The following ANO3 variants were observed in gnomAD, a reference collection of about 807,000 sequenced individuals.
ANO3 encodes the protein anoctamin-3.
A neutral mutation model predicts 144.8 loss-of-function variants in ANO3; 99 were observed. That is an observed-to-expected ratio of 0.68 (90% CI 0.58 to 0.81). The LOEUF (loss-of-function observed/expected upper bound fraction) is 0.81, where lower values mean the gene tolerates loss of function less well. ANO3 is among the 30% of genes least tolerant of loss of function. ANO3 has a pLI of 0.00. For missense variants in ANO3, 905 were observed against 1,202.2 expected (o/e 0.75, Z 3.66); for synonymous variants, 414 against 392.6 (o/e 1.05, Z -0.64).
chr11:26,254,293 C>G (rs1425489205), intron 1 of ANO3, among the ~76,000 whole-genome samples: 2 of 152,070 alleles, frequency 1.3e-5, no homozygotes, highest in Non-Finnish European at 2.9e-5. Flanking sequence ...TAATATGTTG[C>G]TGCACTTTCT....
At chr11:26,388,018 TA>T (rs1856779651) in intron 1 of ANO3, among the ~76,000 whole-genome samples, 1 of 137,676 alleles carries the variant, frequency 7.3e-6, no homozygotes, top group Admixed American at 6.9e-5. Flanking sequence ...TATTCTTCTT[TA>T]ATTTTTTTAT....
chr11:26,277,169 T>C (rs1288468886), intron 1 of ANO3, among the ~76,000 whole-genome samples: 1 of 152,140 alleles, frequency 6.6e-6, no homozygotes, highest in Non-Finnish European at 1.5e-5. Flanking sequence ...GTGATTTTTT[T>C]CTTAGTAACT....
At chr11:26,296,353 C>G (rs1020963940) in intron 1 of ANO3, among the ~76,000 whole-genome samples, 1 of 150,892 alleles carries the variant, frequency 6.6e-6, no homozygotes, top group African/African-American at 2.5e-5. Context: ...CCGGCTTATC[C>G]TGGCCCCAGA....
chr11:26,643,743 G>C (rs1410003970), intron 23 of ANO3, among the ~76,000 whole-genome samples: 1 of 151,750 alleles, frequency 6.6e-6, no homozygotes, highest in Non-Finnish European at 1.5e-5. Flanking sequence ...AAAAAGAAGT[G>C]ATTAAGCCAT....
intron 1 of ANO3, among the ~76,000 whole-genome samples, chr11:26,262,739 CAGAG>C (rs926800288): frequency 5.1e-4 from 76 of 148,728 alleles, no homozygotes; most frequent in Admixed American, 6.7e-4. Flanking sequence ...CACACACACA[CAGAG>C]AGAGAGAGAG....
At chr11:26,454,824 A>G (rs1007738342) in intron 3 of ANO3, among the ~76,000 whole-genome samples, 3 of 152,078 alleles carry the variant, frequency 2.0e-5, no homozygotes, top group Non-Finnish European at 2.9e-5. Context: ...AAAATCCTCA[A>G]TAAAGTACTG....
chr11:26,533,167 G>T (rs1849416715), intron 8 of ANO3, among the ~76,000 whole-genome samples: 1 of 152,068 alleles, frequency 6.6e-6, no homozygotes, highest in South Asian at 2.1e-4. Flanking sequence ...TATTAAGAAA[G>T]ACAGAAATAA....
intron 12 of ANO3, among the ~76,000 whole-genome samples, chr11:26,548,254 G>A (rs1849840572): frequency 6.6e-6 from 1 of 151,944 alleles, no homozygotes; most frequent in Non-Finnish European, 1.5e-5. Flanking sequence ...TTCTGTTAAA[G>A]TTGAAGTGAC....
chr11:26,596,371 T>G (rs916870877), intron 14 of ANO3, among the ~76,000 whole-genome samples: 1 of 152,198 alleles, frequency 6.6e-6, no homozygotes, highest in Non-Finnish European at 1.5e-5. Context: ...TGCCTCCCTT[T>G]AATTTACTCA....
chr11:26,575,613 C>T (rs144516204), intron 14 of ANO3, among the ~76,000 whole-genome samples: 120 of 152,024 alleles, frequency 7.9e-4, no homozygotes, highest in African/African-American at 2.6e-3. Flanking sequence ...ATAACCTTTA[C>T]GACTATTTAA....
At chr11:26,363,413 T>TA (rs1399690579) in intron 1 of ANO3, among the ~76,000 whole-genome samples, 1 of 152,042 alleles carries the variant, frequency 6.6e-6, no homozygotes, top group Non-Finnish European at 1.5e-5. Context: ...AGGTGTGGTT[T>TA]CTCTGGGGGC....
chr11:26,438,611 A>AAAAAAAG (rs1858388951), intron 1 of ANO3, among the ~76,000 whole-genome samples: 3 of 35,506 alleles, frequency 8.4e-5, no homozygotes, highest in Non-Finnish European at 1.2e-4. Context: ...AAAAAAAAGA[A>AAAAAAAG]AAAAAAAAAA....
chr11:26,598,767 G>C, intron 15 of ANO3, 91 bp from the exon 16 acceptor site: 1 of 1,335,696 alleles, frequency 7.5e-7, no homozygotes, highest in South Asian at 1.5e-5. Context: ...TACAAAAGTA[G>C]GCCAAATTTA....
At chr11:26,604,393 G>A (rs898124212) in intron 17 of ANO3, among the ~76,000 whole-genome samples, 27 of 151,994 alleles carry the variant, frequency 1.8e-4, no homozygotes, top group African/African-American at 1.7e-4. Context: ...TTGGCTATAC[G>A]GGCTCTTCTT....
chr11:26,329,178 T>C (rs1445804615), upstream of ANO3, among the ~76,000 whole-genome samples: 1 of 152,136 alleles, frequency 6.6e-6, no homozygotes, highest in East Asian at 1.9e-4. Context: ...ACAATGGAAA[T>C]GTCAGTCCAT....
At chr11:26,587,886 G>A (rs962543505) in intron 14 of ANO3, among the ~76,000 whole-genome samples, 1 of 150,132 alleles carries the variant, frequency 6.7e-6, no homozygotes, top group Non-Finnish European at 1.5e-5. Flanking sequence ...AACCCAAGAG[G>A]CAGAGGTTGC....
intron 1 of ANO3, among the ~76,000 whole-genome samples, chr11:26,230,905 T>G (rs561620674): frequency 2.2e-4 from 33 of 150,628 alleles, no homozygotes; most frequent in Admixed American, 2.2e-3. Flanking sequence ...TTTTTTTTCT[T>G]TTTTTTAGAT....
intron 4 of ANO3, among the ~76,000 whole-genome samples, chr11:26,488,249 A>G (rs778615452): frequency 1.3e-5 from 2 of 152,240 alleles, no homozygotes; most frequent in Non-Finnish European, 2.9e-5. Context: ...GCAGCCTGAC[A>G]ATGCAGTAGA....
intron 1 of ANO3, among the ~76,000 whole-genome samples, chr11:26,311,366 C>T (rs954995405): frequency 7.2e-5 from 11 of 152,148 alleles, no homozygotes; most frequent in African/African-American, 1.4e-4. Flanking sequence ...AAGGCCTGAC[C>T]GGGACTTGAA....
Sources: gnomAD v4.1 joint callset for allele counts (sites outside exome capture counted in the v4.1 genomes callset) on GRCh38, gnomAD v4.1.1 for gene constraint, MANE v1.5 for transcripts, NCBI Gene and HGNC (gene_info 2026-07-23, HGNC 2026-07-21) for gene names.